MMP28: variants seen among roughly 807,000 people sequenced by gnomAD.
The protein encoded by MMP28 is matrix metalloproteinase-28.
MMP28 carries 55 observed loss-of-function variants against 60.5 expected under a neutral mutation model. That is an observed-to-expected ratio of 0.91 (90% CI 0.73 to 1.14). The LOEUF (loss-of-function observed/expected upper bound fraction) is 1.14. Among genes scored for constraint, MMP28 ranks in the 50% most tolerant of loss-of-function variants. The probability of loss-of-function intolerance (pLI) is 0.00; values close to 1 mark genes in which losing one functional copy is unlikely to be tolerated. For missense variants in MMP28, 686 were observed against 738.3 expected (o/e 0.93, Z 0.82); for synonymous variants, 318 against 312.5 (o/e 1.02, Z -0.18).
downstream of MMP28, chr17:35,760,995 C>T: frequency 6.3e-7 from 1 of 1,596,608 alleles, no homozygotes. Flanking sequence ...GAGGACAGGA[C>T]CTCTTGACCC....
chr17:35,772,882 G>A (rs1489748708), intron 4 of MMP28, among the ~76,000 whole-genome samples: 1 of 152,202 alleles, frequency 6.6e-6, no homozygotes, highest in Non-Finnish European at 1.5e-5. Context: ...GGCCTGTCTA[G>A]AGGCAGAGGA....
chr17:35,783,641 A>G (rs1056345454), intron 1 of MMP28, among the ~76,000 whole-genome samples: 1 of 152,122 alleles, frequency 6.6e-6, no homozygotes, highest in Non-Finnish European at 1.5e-5. Flanking sequence ...CTTATCAGGG[A>G]GTTGGCTCCG....
At chr17:35,763,438 C>CTTTTT (rs782005643), downstream of MMP28, among the ~76,000 whole-genome samples, 3 of 101,514 alleles carry the variant, frequency 3.0e-5, no homozygotes, top group Non-Finnish European at 3.9e-5. Context: ...CCATGCCCAG[C>CTTTTT]TTTTTTTTTT....
chr17:35,764,166 A>C, downstream of MMP28: 1 of 1,548,516 alleles, frequency 6.5e-7, no homozygotes, highest in Non-Finnish European at 8.7e-7. Context: ...CGGGTAGCGG[A>C]GGAGGGCGAA....
chr17:35,779,661 G>C (rs1043430853), intron 1 of MMP28, among the ~76,000 whole-genome samples: 2 of 152,154 alleles, frequency 1.3e-5, no homozygotes, highest in African/African-American at 4.8e-5. Context: ...AACAGGCTCT[G>C]GAGTCAGATC....
At chr17:35,771,712 TATATATATATATA>T (rs2086152391) in intron 4 of MMP28, among the ~76,000 whole-genome samples, 1 of 32,686 alleles carries the variant, frequency 3.1e-5, no homozygotes, top group Non-Finnish European at 5.9e-5. Flanking sequence ...TATATATATA[TATATATATATATA>T]TATATATATA....
At chr17:35,773,112 A>T in intron 4 of MMP28, 68 bp downstream of exon 4, 1 of 1,452,064 alleles carries the variant, frequency 6.9e-7, no homozygotes, top group Non-Finnish European at 9.4e-7. Context: ...CTTCATTGCC[A>T]CCCCCAAACT....
At chr17:35,774,844 T>C (rs1156277748) in intron 3 of MMP28, among the ~76,000 whole-genome samples, 1 of 152,210 alleles carries the variant, frequency 6.6e-6, no homozygotes, top group Non-Finnish European at 1.5e-5. Flanking sequence ...GAGGTGCGGC[T>C]GAGGGTTTGT....
intron 7 of MMP28, 145 bp from the exon 8 acceptor site, chr17:35,767,039 C>T (rs1391054042): frequency 1.3e-6 from 1 of 797,608 alleles, no homozygotes; most frequent in Non-Finnish European, 2.1e-6. Context: ...GATTGCACTA[C>T]AAATTAGTTA....
intron 2 of MMP28, among the ~76,000 whole-genome samples, chr17:35,757,745 A>G (rs909419258): frequency 6.6e-6 from 1 of 152,166 alleles, no homozygotes; most frequent in African/African-American, 2.4e-5. Flanking sequence ...CTTACATACT[A>G]TCTTACTGGA....
rs2086417341 is a variant in MMP28, at chr17:35,779,006, A to T, written c.261T>A (p.Thr87=). 6.2e-7 allele frequency: 1 copy of T among 1,613,946 alleles called. No homozygotes were observed. Among genetic ancestry groups the T allele is most frequent in the African/African-American group, 1.3e-5 (1 of 74,934 alleles). The change falls in exon 3 of 8, where the codon ACT becomes ACA. Residue 87 remains threonine (T), a synonymous_variant. Coordinates refer to ENST00000605424, the MANE Select transcript of MMP28 (RefSeq NM_024302.5). ...VLDRATLRQM[T]RPRCGVTDTN... ...TATCTGTAACCCCGCAGCGGGGACG[A>T]GTCATCTGGCGCAGGGTGGCGCGGT...
chr17:35,779,018 C>T lies in MMP28; in HGVS notation c.249G>A (p.Leu83=). 1.9e-6 allele frequency: 3 copies of T among 1,614,066 alleles called. No individual in the cohort carries two copies. Among genetic ancestry groups the T allele is most frequent in the Non-Finnish European group, 1.7e-6 (2 of 1,179,906 alleles). Residue 83 remains leucine (L), a synonymous_variant, in exon 3 of 8, where the codon CTG becomes CTA. Transcript: ENST00000605424. The part of the protein sequence containing the change: ...PVSGVLDRAT[L]RQMTRPRCGV... Reference sequence around the variant, plus strand: ...CGCAGCGGGGACGAGTCATCTGGCGCAGGGTGGCGCGGTCCAACACGCCGC... The same window carrying T: ...CGCAGCGGGGACGAGTCATCTGGCGTAGGGTGGCGCGGTCCAACACGCCGC...
At chr17:35,789,595 T>C (rs374147661) in intron 1 of MMP28, among the ~76,000 whole-genome samples, 3 of 151,036 alleles carry the variant, frequency 2.0e-5, no homozygotes, top group Non-Finnish European at 4.5e-5. Flanking sequence ...AAATGTTGTA[T>C]TTTCATTATT....
chr17:35,788,316 G>A lies in MMP28; in HGVS notation c.111+6951C>T, dbSNP rs150018465. Among the ~76,000 whole-genome samples the A allele has an allele frequency of 6.8e-3, 1,037 of 152,222 alleles. 17 individuals are homozygous for A. The highest frequency in any genetic ancestry group is 0.028 in the East Asian group (144 of 5,184). ...CTAATGCCAAATAACTATACCGTATGGACTCATGGTTCTCACTAGACTTGT... is the reference window on the plus strand; with the variant it reads ...CTAATGCCAAATAACTATACCGTATAGACTCATGGTTCTCACTAGACTTGT... On this transcript the variant is annotated intron_variant, in intron 1 of 7. Transcript: ENST00000605424.
intron 7 of MMP28, 100 bp downstream of exon 7, chr17:35,767,652 C>T (rs556469743): frequency 7.3e-7 from 1 of 1,377,050 alleles, no homozygotes; most frequent in Non-Finnish European, 9.8e-7. Context: ...CCACCATGGA[C>T]TCGTGTGAGA....
At chr17:35,780,970 C>A (rs918718415) in intron 1 of MMP28, among the ~76,000 whole-genome samples, 6 of 152,154 alleles carry the variant, frequency 3.9e-5, no homozygotes, top group African/African-American at 1.4e-4. Context: ...CTCTGAGGAG[C>A]TGATACGTAA....
In MMP28 at chr17:35,789,134, G is replaced by A. The variant is rs147661451; in HGVS notation, c.111+6133C>T. Among the ~76,000 whole-genome samples the A allele has an allele frequency of 4.4e-3, 665 of 152,208 alleles. 9 individuals carry two copies. Among genetic ancestry groups the A allele is most frequent in the Non-Finnish European group, 3.4e-3 (231 of 68,022 alleles). ...CTTTGTTACATTGTGTGCACAGAGGGGACACAGAGCCATGTACACAGGGTA... is the reference window on the plus strand; with the variant it reads ...CTTTGTTACATTGTGTGCACAGAGGAGACACAGAGCCATGTACACAGGGTA... On this transcript the variant is annotated intron_variant, in intron 1 of 7. Coordinates refer to ENST00000605424, the MANE Select transcript of MMP28 (RefSeq NM_024302.5).
intron 1 of MMP28, among the ~76,000 whole-genome samples, chr17:35,787,480 TTTTGTTTG>T (rs144461822): frequency 2.0e-5 from 3 of 152,084 alleles, no homozygotes; most frequent in East Asian, 1.9e-4. Context: ...TCCTTCAGTT[TTTTGTTTG>T]TTTGTTTGTT....
chr17:35,757,151 AAAATAAATAAATAAAT>A (rs58444290), intron 2 of MMP28: 4 of 151,304 alleles, frequency 2.6e-5, no homozygotes, highest in Non-Finnish European at 4.4e-5. Context: ...ACTCTGTCTC[AAAATAAATAAATAAAT>A]AAATAAATAA....
Sources: allele counts gnomAD v4.1 joint callset (sites outside exome capture counted in the v4.1 genomes callset), GRCh38; gene constraint gnomAD v4.1.1; transcripts MANE v1.5; gene names NCBI Gene and HGNC (gene_info 2026-07-23, HGNC 2026-07-21).